Variants in NALF1 observed in about 807,000 individuals in gnomAD.
NALF1 encodes NALCN channel auxiliary factor 1, also known as family with sequence similarity 155 member A.
In NALF1, 3 loss-of-function variants were observed where a neutral mutation model predicts 48.4. That is an observed-to-expected ratio of 0.06 (90% CI 0.03 to 0.16). The LOEUF is 0.16. Among genes scored for constraint, NALF1 ranks in the 10% least tolerant of loss-of-function variants. The pLI is 1.00. For synonymous variants in NALF1, 262 were observed against 245.7 expected, an observed-to-expected ratio of 1.07 and a Z score of -0.62; for missense variants, 526 against 571.5, an observed-to-expected ratio of 0.92 and a Z score of 0.81.
chr13:107,189,629 C>T (rs932514388), intron 2 of NALF1, among the ~76,000 whole-genome samples: 1 of 152,174 alleles, frequency 6.6e-6, no homozygotes, highest in Non-Finnish European at 1.5e-5. Context: ...GTCTTTCCTT[C>T]CTACTCTGAT....
At chr13:107,396,668 T>C (rs762484794) in intron 1 of NALF1, among the ~76,000 whole-genome samples, 5 of 152,166 alleles carry the variant, frequency 3.3e-5, no homozygotes, top group Non-Finnish European at 5.9e-5. Context: ...AAAAAGCACA[T>C]TATTAGCACT....
intron 1 of NALF1, among the ~76,000 whole-genome samples, chr13:107,487,767 T>G (rs1255084548): frequency 6.6e-6 from 1 of 152,182 alleles, no homozygotes; most frequent in African/African-American, 2.4e-5. Flanking sequence ...CTGCCAGGTT[T>G]TGGTATCAGG....
At chr13:107,766,653 T>C (rs182890959) in intron 1 of NALF1, among the ~76,000 whole-genome samples, 1 of 152,342 alleles carries the variant, frequency 6.6e-6, no homozygotes, top group East Asian at 1.9e-4. Flanking sequence ...TATCTGTGTA[T>C]GTAAAACATT....
Position 107,256,555 on chromosome 13 carries a change from T to C in NALF1, c.916-45800A>G, listed in dbSNP as rs1380016889. Among the ~76,000 whole-genome samples the C allele has an allele frequency of 3.3e-5, 5 of 152,190 alleles. No individual in the cohort carries two copies. The East Asian group carries it at 7.7e-4, about 23-fold the overall frequency. Reference sequence around the variant, plus strand: ...ATCTTCCTCCAGTATTCAAAAACCATCACCTAATTTGGGAAAGAATTTGCT... The same window carrying C: ...ATCTTCCTCCAGTATTCAAAAACCACCACCTAATTTGGGAAAGAATTTGCT... On this transcript the variant is annotated intron_variant, in intron 1 of 2. Coordinates refer to ENST00000375915, the MANE Select transcript of NALF1 (RefSeq NM_001080396.3).
intron 1 of NALF1, among the ~76,000 whole-genome samples, chr13:107,545,202 A>G (rs1877105377): frequency 6.6e-6 from 1 of 152,224 alleles, no homozygotes; most frequent in Non-Finnish European, 1.5e-5. Context: ...AGACAGATAC[A>G]TGCAGAGGGA....
At chr13:107,201,957 C>A (rs1879531034) in intron 2 of NALF1, among the ~76,000 whole-genome samples, 1 of 152,160 alleles carries the variant, frequency 6.6e-6, no homozygotes, top group East Asian at 1.9e-4. Context: ...GGGTTCGTCA[C>A]TCTTTTGACC....
At chr13:107,666,869 T>C (rs1395966660) in intron 1 of NALF1, among the ~76,000 whole-genome samples, 1 of 152,140 alleles carries the variant, frequency 6.6e-6, no homozygotes, top group Non-Finnish European at 1.5e-5. Flanking sequence ...AGCAGATTCA[T>C]GTGGTTCTTT....
intron 1 of NALF1, among the ~76,000 whole-genome samples, chr13:107,465,411 C>A (rs956777401): frequency 2.0e-5 from 3 of 151,408 alleles, no homozygotes; most frequent in African/African-American, 7.3e-5. Context: ...TCTTTCTTTA[C>A]CCTCCTAATT....
intron 1 of NALF1, among the ~76,000 whole-genome samples, chr13:107,219,156 C>T (rs981204274): frequency 3.9e-5 from 6 of 152,156 alleles, no homozygotes; most frequent in East Asian, 1.9e-4. Context: ...GAGTGTTGGC[C>T]GTGGATGGAT....
At chr13:107,393,815 ACT>A (rs1214151543) in intron 1 of NALF1, among the ~76,000 whole-genome samples, 3 of 152,164 alleles carry the variant, frequency 2.0e-5, no homozygotes, top group African/African-American at 7.2e-5. Context: ...TCACAATAAA[ACT>A]CTATATAACT....
intron 1 of NALF1, among the ~76,000 whole-genome samples, chr13:107,539,521 G>A (rs1020162056): frequency 6.6e-6 from 1 of 152,126 alleles, no homozygotes; most frequent in African/African-American, 2.4e-5. Context: ...GCATAGGGTT[G>A]ACAATCAAAG....
At chr13:107,383,661 G>T (rs1423095483) in intron 1 of NALF1, among the ~76,000 whole-genome samples, 1 of 152,060 alleles carries the variant, frequency 6.6e-6, no homozygotes, top group Non-Finnish European at 1.5e-5. Flanking sequence ...AAAATATTCT[G>T]GGAAACAACT....
At chr13:107,436,261 C>A (rs1489877037) in intron 1 of NALF1, among the ~76,000 whole-genome samples, 1 of 152,034 alleles carries the variant, frequency 6.6e-6, no homozygotes, top group East Asian at 1.9e-4. Flanking sequence ...ATTCACTTTG[C>A]TGAGAAAATA....
intron 1 of NALF1, among the ~76,000 whole-genome samples, chr13:107,828,190 G>A (rs904197616): frequency 6.6e-6 from 1 of 151,652 alleles, no homozygotes; most frequent in South Asian, 2.1e-4. Context: ...CTTTCTTTTT[G>A]AAAAAAAATT....
chr13:107,210,054 T>G (rs1417901759), intron 2 of NALF1, among the ~76,000 whole-genome samples: 1 of 123,412 alleles, frequency 8.1e-6, no homozygotes, highest in African/African-American at 3.1e-5. Context: ...ATAGACTTGT[T>G]GTGTGGCTCT....
At chr13:107,443,271 A>G (rs539691175) in intron 1 of NALF1, among the ~76,000 whole-genome samples, 2 of 152,206 alleles carry the variant, frequency 1.3e-5, no homozygotes, top group Admixed American at 6.5e-5. Context: ...GCTGGAGTGC[A>G]ATAGTGCAAT....
chr13:107,692,768 T>C (rs1315363119), intron 1 of NALF1, among the ~76,000 whole-genome samples: 3 of 152,252 alleles, frequency 2.0e-5, no homozygotes, highest in Non-Finnish European at 4.4e-5. Flanking sequence ...TTTATGGCTA[T>C]GCCAAACCAA....
chr13:107,185,342 TTATC>T (rs1198949315), intron 2 of NALF1, among the ~76,000 whole-genome samples: 2 of 152,064 alleles, frequency 1.3e-5, no homozygotes, highest in African/African-American at 4.8e-5. Flanking sequence ...ACAGAGATGT[TTATC>T]TATTTGCCTC....
chr13:107,177,989 G>A (rs1033957279), intron 2 of NALF1, among the ~76,000 whole-genome samples: 1 of 152,168 alleles, frequency 6.6e-6, no homozygotes, highest in African/African-American at 2.4e-5. Context: ...AGAGGTTGCA[G>A]TGAGTCGAGA....
Sources: allele counts gnomAD v4.1 joint callset (sites outside exome capture counted in the v4.1 genomes callset), GRCh38; gene constraint gnomAD v4.1.1; transcripts MANE v1.5; gene names NCBI Gene and HGNC (gene_info 2026-07-23, HGNC 2026-07-21).